The following DCAF8L2 variants were observed in gnomAD, a reference collection of about 807,000 sequenced individuals.
The protein encoded by DCAF8L2 is DDB1 and CUL4 associated factor 8 like 2.
For synonymous variants in DCAF8L2, 200 were observed against 190.9 expected (o/e 1.05, Z -0.39); for missense variants, 430 against 490.7 (o/e 0.88, Z 1.17).
At chrX:27,656,422 A>G (rs913896438) in intron 2 of DCAF8L2, among the ~76,000 whole-genome samples, 1 of 112,172 alleles carries the variant, frequency 8.9e-6, no homozygotes, top group African/African-American at 3.2e-5. Flanking sequence ...CTTTCAAACA[A>G]TAGTAAATGA....
At chrX:27,637,760 AAC>A (rs66555486) in intron 2 of DCAF8L2, among the ~76,000 whole-genome samples, 18,215 of 111,722 alleles carry the variant, frequency 0.16, 1,214 homozygotes, top group East Asian at 0.43. Flanking sequence ...ACTGGCTCAT[AAC>A]ACAGAGTCAT....
chrX:27,506,656 T>G, the DCAF8L2 span, among the ~76,000 whole-genome samples: 2 of 111,097 alleles, frequency 1.8e-5, no homozygotes, highest in Admixed American at 1.9e-4. Flanking sequence ...GTTGGCATTC[T>G]TCTGTGTGCG....
chrX:27,547,085 T>C, the DCAF8L2 span, among the ~76,000 whole-genome samples: 4 of 112,041 alleles, frequency 3.6e-5, no homozygotes, highest in Non-Finnish European at 5.6e-5. Flanking sequence ...TTTCAAATAA[T>C]GTCTCTTAAG....
chrX:27,507,335 G>T, the DCAF8L2 span, among the ~76,000 whole-genome samples: 1 of 111,584 alleles, frequency 9.0e-6, no homozygotes, highest in African/African-American at 3.3e-5. Context: ...GGTTCAAGGT[G>T]CTGAAAACTC....
intron 2 of DCAF8L2, among the ~76,000 whole-genome samples, chrX:27,673,163 C>T (rs1276647099): frequency 9.1e-6 from 1 of 110,470 alleles, no homozygotes; most frequent in East Asian, 2.8e-4. Context: ...TATTATTATA[C>T]TTTATTTTCT....
intron 3 of DCAF8L2, among the ~76,000 whole-genome samples, chrX:27,706,812 A>G (rs751499255): frequency 1.8e-5 from 2 of 111,940 alleles, no homozygotes; most frequent in Non-Finnish European, 3.8e-5. Flanking sequence ...ACATATGCCA[A>G]CACAAAAACC....
chrX:27,718,596 C>T (rs942570466), intron 4 of DCAF8L2, among the ~76,000 whole-genome samples: 2 of 111,064 alleles, frequency 1.8e-5, no homozygotes, highest in Non-Finnish European at 3.8e-5. Context: ...ACTGCCTTCC[C>T]TAATGTTGGG....
chrX:27,731,034 C>A, intron 4 of DCAF8L2, among the ~76,000 whole-genome samples: 1 of 111,038 alleles, frequency 9.0e-6, no homozygotes, highest in Middle Eastern at 4.6e-3. Context: ...CTTGCTCTGG[C>A]TGTGTCTTAG....
chrX:27,494,268 G>T, the DCAF8L2 span, among the ~76,000 whole-genome samples: 578 of 110,468 alleles, frequency 5.2e-3, 17 homozygotes, highest in East Asian at 0.13. Context: ...TGGCCAGGCA[G>T]GGTGGCATAC....
the DCAF8L2 span, among the ~76,000 whole-genome samples, chrX:27,549,393 GA>G: frequency 0.095 from 10,578 of 110,862 alleles, 405 homozygotes; most frequent in Non-Finnish European, 0.12. Flanking sequence ...CCAGTCAGTT[GA>G]AAATAATAGT....
chrX:27,733,911 T>A (rs1921372898), intron 4 of DCAF8L2, among the ~76,000 whole-genome samples: 1 of 111,602 alleles, frequency 9.0e-6, no homozygotes, highest in South Asian at 3.7e-4. Flanking sequence ...ATATACAACA[T>A]TAACAGAATA....
the DCAF8L2 span, among the ~76,000 whole-genome samples, chrX:27,470,287 A>G: frequency 8.9e-6 from 1 of 112,492 alleles, no homozygotes; most frequent in Non-Finnish European, 1.9e-5. Flanking sequence ...TTTATTCCAA[A>G]GAACAACTTG....
chrX:27,703,626 T>C (rs952764287), intron 3 of DCAF8L2, among the ~76,000 whole-genome samples: 10 of 111,161 alleles, frequency 9.0e-5, no homozygotes, highest in African/African-American at 3.3e-4. Flanking sequence ...ACAAATAATG[T>C]TATTTTCAAC....
intron 1 of DCAF8L2, among the ~76,000 whole-genome samples, chrX:27,606,910 A>G (rs945026838): frequency 1.7e-4 from 19 of 111,197 alleles, no homozygotes; most frequent in African/African-American, 4.9e-4. Context: ...TTGGGTGCTA[A>G]AAGAAGTTAC....
At chrX:27,664,708 G>T (rs1287389307) in intron 2 of DCAF8L2, among the ~76,000 whole-genome samples, 3 of 111,691 alleles carry the variant, frequency 2.7e-5, no homozygotes, top group Non-Finnish European at 5.6e-5. Flanking sequence ...CTTGTTAGGG[G>T]CTAAGGCAGT....
chrX:27,615,337 TAATG>T (rs1156837427), intron 1 of DCAF8L2, among the ~76,000 whole-genome samples: 1 of 111,870 alleles, frequency 8.9e-6, no homozygotes, highest in Non-Finnish European at 1.9e-5. Flanking sequence ...CATTTGAACA[TAATG>T]AATCAATGTA....
the DCAF8L2 span, among the ~76,000 whole-genome samples, chrX:27,514,793 CAA>C: frequency 9.7e-6 from 1 of 103,393 alleles, no homozygotes; most frequent in Admixed American, 1.1e-4. Flanking sequence ...CATAAAAAGA[CAA>C]ATACCACATG....
intron 2 of DCAF8L2, among the ~76,000 whole-genome samples, chrX:27,657,791 G>A (rs983407033): frequency 3.6e-5 from 4 of 111,545 alleles, no homozygotes; most frequent in African/African-American, 9.8e-5. Flanking sequence ...ATTATTCCTC[G>A]GAACAAGGAA....
the DCAF8L2 span, among the ~76,000 whole-genome samples, chrX:27,566,946 C>T: frequency 2.7e-5 from 3 of 111,164 alleles, no homozygotes; most frequent in East Asian, 5.7e-4. Context: ...TCTCAAGGTA[C>T]TTTTCAAATT....
Sources: gnomAD v4.1 joint callset for allele counts (sites outside exome capture counted in the v4.1 genomes callset) on GRCh38, gnomAD v4.1.1 for gene constraint, MANE v1.5 for transcripts, NCBI Gene and HGNC (gene_info 2026-07-23, HGNC 2026-07-21) for gene names.